HCFC2: variants seen among roughly 807,000 people sequenced by gnomAD.
HCFC2 encodes the protein host cell factor 2.
HCFC2 carries 18 observed loss-of-function variants against 89.2 expected under a neutral mutation model. The ratio of observed to expected loss-of-function variants is 0.20; its 90% CI spans 0.14 to 0.30. The LOEUF (loss-of-function observed/expected upper bound fraction) is 0.30, where lower values mean the gene tolerates loss of function less well. HCFC2 is among the 10% of genes least tolerant of loss of function. The probability of loss-of-function intolerance (pLI) is 1.00; values close to 1 mark genes in which losing one functional copy is unlikely to be tolerated. For missense variants in HCFC2, 578 were observed against 956.1 expected (o/e 0.60, Z 5.21); for synonymous variants, 308 against 335.7 (o/e 0.92, Z 0.90).
Position 104,069,547 on chromosome 12 carries a change from A to G in HCFC2, c.473+1440A>G, listed in dbSNP as rs148121345. ...TGTTAAAAAAAAAAAAAAAGATTTC[A>G]CATATGAGATCATGCAATATTGTTC... On this transcript the variant is annotated intron_variant, in intron 3 of 14. Coordinates refer to ENST00000229330, the MANE Select transcript of HCFC2 (RefSeq NM_013320.3). Among the ~76,000 whole-genome samples, 48 of 150,670 alleles carry G rather than the reference A, an allele frequency of 3.2e-4. 1 individual carries two copies. Among genetic ancestry groups the G allele is most frequent in the African/African-American group, 1.1e-3 (44 of 41,112 alleles).
At chr12:104,072,368 T>TAA (rs35741120) in intron 3 of HCFC2, among the ~76,000 whole-genome samples, 2 of 135,726 alleles carry the variant, frequency 1.5e-5, no homozygotes, top group Non-Finnish European at 3.2e-5. Context: ...CAAGACTGTT[T>TAA]AAAAAAAAAA....
At chr12:104,100,601 T>A (rs1037049522) in intron 13 of HCFC2, among the ~76,000 whole-genome samples, 9 of 151,978 alleles carry the variant, frequency 5.9e-5, no homozygotes, top group Non-Finnish European at 1.3e-4. Context: ...AATGGACAAT[T>A]TCTGAGAGAG....
In HCFC2 at chr12:104,073,204, G is replaced by A. The variant is rs550213751; in HGVS notation, c.473+5097G>A. Among the ~76,000 whole-genome samples the A allele has an allele frequency of 2.1e-5, 3 of 140,528 alleles. No individual in the cohort carries two copies. In the South Asian group the frequency reaches 6.7e-4, roughly 31 times the overall value. The allele number at this position is 140,528 out of a possible 152,430, so 92.2% of individuals were successfully genotyped here. ...TTTTGAGACGGAGTCTAGCTGCATC[G>A]CCGAGGCTGGAGTGCAGTGGAGCGA... On this transcript the variant is annotated intron_variant, in intron 3 of 14. Coordinates refer to ENST00000229330, the MANE Select transcript of HCFC2 (RefSeq NM_013320.3).
intron 2 of HCFC2, among the ~76,000 whole-genome samples, chr12:104,067,281 AC>A (rs1230154911): frequency 6.6e-6 from 1 of 151,986 alleles, no homozygotes; most frequent in Non-Finnish European, 1.5e-5. Flanking sequence ...TATTTACTAC[AC>A]CCCCCACCTT....
chr12:104,072,747 A>G (rs1268369507), intron 3 of HCFC2, among the ~76,000 whole-genome samples: 2 of 151,558 alleles, frequency 1.3e-5, no homozygotes, highest in African/African-American at 4.9e-5. Context: ...GGTTCACGCC[A>G]TTCTCCTGCC....
intron 9 of HCFC2, chr12:104,090,946 G>A (rs1314683090): frequency 6.6e-6 from 1 of 152,088 alleles, no homozygotes; most frequent in Non-Finnish European, 1.5e-5. Flanking sequence ...ACAAATGTAA[G>A]TATCAGTGGG....
intron 9 of HCFC2, among the ~76,000 whole-genome samples, chr12:104,091,183 A>G (rs1181076841): frequency 6.6e-6 from 1 of 152,248 alleles, no homozygotes; most frequent in Non-Finnish European, 1.5e-5. Flanking sequence ...ACCGTAGCGT[A>G]GTCTAGAGAC....
rs1039099048 is a variant in HCFC2 at position 104,106,093 on chromosome 12, T to C, written c.*2820T>C. The C allele has an allele frequency of 1.3e-5, 2 of 152,148 alleles. No homozygotes were observed. The highest frequency in any genetic ancestry group is 4.8e-5 in the African/African-American group (2 of 41,464). 9.4% of individuals were successfully genotyped at this position (152,148 alleles called of 1,614,324 possible). A position where few individuals can be genotyped will look rare whatever the true frequency, so the allele number is the denominator to read the frequency against. On this transcript the variant is annotated 3_prime_UTR_variant, in exon 15 of 15. Transcript: ENST00000229330. Reference sequence around the variant, plus strand: ...CATAGGGTATATATAAACTCAATTTTATCTGCATTTTTTAAAAAATTGAAA... The same window carrying C: ...CATAGGGTATATATAAACTCAATTTCATCTGCATTTTTTAAAAAATTGAAA...
chr12:104,082,738 A>G lies in HCFC2; in HGVS notation c.900A>G (p.Val300=), dbSNP rs751230654. Residue 300 remains valine, a synonymous_variant, in exon 7 of 15, where the codon GTA becomes GTG. Transcript: ENST00000229330. The part of the protein sequence containing the change: ...NLDTTEWTTL[V]SDSQEDKKNS... ...ATACAACAGAGTGGACCACCCTAGT[A>G]TCAGATTCTCAGGAAGATAAAAAAA... The G allele has an allele frequency of 6.2e-7, 1 of 1,613,564 alleles. No individual in the cohort carries two copies. Among genetic ancestry groups the G allele is most frequent in the African/African-American group, 1.3e-5 (1 of 74,908 alleles).
At chr12:104,078,138 A>G (rs1410682570) in intron 3 of HCFC2, among the ~76,000 whole-genome samples, 3 of 152,018 alleles carry the variant, frequency 2.0e-5, no homozygotes, top group Non-Finnish European at 2.9e-5. Flanking sequence ...AGCTGGGACT[A>G]CAAGTGCCCA....
intron 12 of HCFC2, among the ~76,000 whole-genome samples, chr12:104,097,100 G>T (rs1055041528): frequency 2.0e-5 from 3 of 151,972 alleles, no homozygotes; most frequent in Non-Finnish European, 1.5e-5. Context: ...TAAATACAAG[G>T]ATAATACATA....
At chr12:104,083,728 A>T (rs932767585) in intron 7 of HCFC2, among the ~76,000 whole-genome samples, 2 of 152,146 alleles carry the variant, frequency 1.3e-5, no homozygotes, top group South Asian at 2.1e-4. Context: ...AAAAGATTTT[A>T]AAAAAATATA....
chr12:104,097,552 G>A (rs757967261), intron 12 of HCFC2: 1 of 387,434 alleles, frequency 2.6e-6, no homozygotes, highest in Non-Finnish European at 3.5e-6. Context: ...ATGTGTGATA[G>A]CCTAAATATT....
chr12:104,082,610 A>T lies in HCFC2; in HGVS notation c.874+4A>T, dbSNP rs1016064216. On this transcript the variant is annotated splice_donor_region_variant and intron_variant, in intron 6 of 14. Transcript: ENST00000229330. ...TCATTTTCTTACCTAAATCTGGGTGAGTCTTTTAAGAGTTACTCATTGAAT... is the reference window on the plus strand; with the variant it reads ...TCATTTTCTTACCTAAATCTGGGTGTGTCTTTTAAGAGTTACTCATTGAAT... 1.9e-6 allele frequency: 3 copies of T among 1,600,562 alleles called. No homozygotes were observed. The African/African-American group carries it at 4.0e-5, about 21-fold the overall frequency.
At chr12:104,090,301 A>C (rs1172539140) in intron 9 of HCFC2, among the ~76,000 whole-genome samples, 1 of 152,142 alleles carries the variant, frequency 6.6e-6, no homozygotes, top group Non-Finnish European at 1.5e-5. Context: ...GGTATTGAAA[A>C]GTGTGATGCC....
intron 9 of HCFC2, among the ~76,000 whole-genome samples, chr12:104,090,515 A>G (rs1295831217): frequency 1.3e-5 from 2 of 151,064 alleles, no homozygotes; most frequent in Non-Finnish European, 1.5e-5. Context: ...TTTATAAACT[A>G]GTCCTCTGAT....
Position 104,102,066 on chromosome 12 carries a change from T to C in HCFC2, c.1977T>C (p.Cys659=). The C allele has an allele frequency of 6.2e-7, 1 of 1,614,142 alleles. No homozygotes were observed. Among genetic ancestry groups the C allele is most frequent in the Non-Finnish European group, 8.5e-7 (1 of 1,179,988 alleles). ...TCAGGGTTGCTGCAATCAATGGTTG[T>C]GGGATAGGTCCTTTCAGCAAAATCA... ...YRFRVAAING[C]GIGPFSKISE... Residue 659 remains cysteine (C), a synonymous_variant, in exon 14 of 15, where the codon TGT becomes TGC. Coordinates refer to ENST00000229330, the MANE Select transcript of HCFC2 (RefSeq NM_013320.3).
intron 4 of HCFC2, 31 bp from the exon 5 acceptor site, chr12:104,080,715 A>G (rs1883659436): frequency 1.5e-6 from 2 of 1,319,266 alleles, no homozygotes; most frequent in Non-Finnish European, 2.1e-6. Flanking sequence ...TTGTTAGATC[A>G]AGTTGCTAAT....
chr12:104,082,955 G>T, intron 7 of HCFC2, 54 bp downstream of exon 7: 2 of 1,344,482 alleles, frequency 1.5e-6, no homozygotes, highest in Non-Finnish European at 2.1e-6. Context: ...GCACTCAAAT[G>T]TCTGCCTTTT....
Sources: allele counts gnomAD v4.1 joint callset (sites outside exome capture counted in the v4.1 genomes callset), GRCh38; gene constraint gnomAD v4.1.1; transcripts MANE v1.5; gene names NCBI Gene and HGNC (gene_info 2026-07-23, HGNC 2026-07-21).